The following LUZP2 variants were observed in gnomAD, a reference collection of about 807,000 sequenced individuals.
The protein encoded by LUZP2 is leucine zipper protein 2.
In LUZP2, 52 loss-of-function variants were observed where a neutral mutation model predicts 51.6. The observed-to-expected ratio is 1.01, with a 90% CI of 0.81 to 1.27. The LOEUF (loss-of-function observed/expected upper bound fraction) is 1.27. Ranked by LOEUF, LUZP2 falls within the 50% of genes most tolerant of loss-of-function variation. The pLI, the probability that LUZP2 is intolerant of heterozygous loss-of-function variation, is 0.00. For missense variants in LUZP2, 436 were observed against 395.4 expected (o/e 1.10, Z -0.87); for synonymous variants, 154 against 137.3 (o/e 1.12, Z -0.85).
At chr11:25,036,988 G>A (rs1257596944) in intron 9 of LUZP2, among the ~76,000 whole-genome samples, 5 of 152,102 alleles carry the variant, frequency 3.3e-5, no homozygotes, top group Admixed American at 2.6e-4. Flanking sequence ...CAAGCGTCAA[G>A]TTTTAGACTA....
intron 1 of LUZP2, among the ~76,000 whole-genome samples, chr11:24,539,408 A>T (rs1851285431): frequency 6.6e-6 from 1 of 151,938 alleles, no homozygotes; most frequent in Non-Finnish European, 1.5e-5. Flanking sequence ...ATAATAAATT[A>T]TATGGTAATG....
intron 9 of LUZP2, among the ~76,000 whole-genome samples, chr11:25,044,111 A>ATATATATCTGATATATAGACTCTC (rs1565273495): frequency 1.8e-5 from 1 of 55,138 alleles, no homozygotes; most frequent in Non-Finnish European, 3.8e-5. Context: ...TATATAGACT[A>ATATATATCTGATATATAGACTCTC]TATATATCAG....
At chr11:24,626,060 C>T (rs76092968) in intron 1 of LUZP2, among the ~76,000 whole-genome samples, 3,905 of 152,172 alleles carry the variant, frequency 0.026, 168 homozygotes, top group African/African-American at 0.089. Flanking sequence ...TTCTGAGTCT[C>T]TGTGTTTTCT....
At chr11:25,014,963 A>C (rs1857105790) in intron 9 of LUZP2, among the ~76,000 whole-genome samples, 2 of 152,140 alleles carry the variant, frequency 1.3e-5, no homozygotes, top group Admixed American at 6.6e-5. Flanking sequence ...TCAGCTTTCT[A>C]CATATGGCTA....
chr11:24,675,535 T>TA (rs1856515499), intron 1 of LUZP2, among the ~76,000 whole-genome samples: 1 of 152,142 alleles, frequency 6.6e-6, no homozygotes, highest in Non-Finnish European at 1.5e-5. Flanking sequence ...CTGTCATGGT[T>TA]AAAAATGGAA....
intron 1 of LUZP2, among the ~76,000 whole-genome samples, chr11:24,576,869 C>A (rs911724305): frequency 6.6e-6 from 1 of 151,860 alleles, no homozygotes; most frequent in Non-Finnish European, 1.5e-5. Context: ...ATGAGTATTG[C>A]AATCAACTTA....
chr11:24,546,179 G>A (rs1284548197), intron 1 of LUZP2, among the ~76,000 whole-genome samples: 1 of 151,906 alleles, frequency 6.6e-6, no homozygotes, highest in Non-Finnish European at 1.5e-5. Flanking sequence ...AGGACCTTTT[G>A]GGCCAAGACT....
chr11:24,925,194 C>G (rs1179523633), intron 7 of LUZP2, among the ~76,000 whole-genome samples: 2 of 152,080 alleles, frequency 1.3e-5, no homozygotes, highest in African/African-American at 4.8e-5. Context: ...GTCTGCTTTG[C>G]CAGTCTTAAG....
chr11:24,717,839 G>C (rs1033357821), intron 1 of LUZP2, among the ~76,000 whole-genome samples: 2 of 146,992 alleles, frequency 1.4e-5, no homozygotes, highest in African/African-American at 2.5e-5. Flanking sequence ...TTATAAACGA[G>C]AGCATGTGAT....
chr11:24,786,212 T>C, intron 5 of LUZP2: 1 of 965,876 alleles, frequency 1.0e-6, no homozygotes, highest in Non-Finnish European at 1.2e-6. Flanking sequence ...AATTTTATAT[T>C]TTTAGGTTAA....
chr11:24,594,704 A>G (rs1853373408), intron 1 of LUZP2, among the ~76,000 whole-genome samples: 1 of 148,254 alleles, frequency 6.7e-6, no homozygotes, highest in Admixed American at 6.7e-5. Flanking sequence ...ATTGGCCTTG[A>G]TATTTTAACA....
intron 4 of LUZP2, among the ~76,000 whole-genome samples, chr11:24,745,804 A>G (rs1330939613): frequency 6.6e-6 from 1 of 152,040 alleles, no homozygotes; most frequent in Admixed American, 6.6e-5. Flanking sequence ...CAGCCTCCTG[A>G]GTAGCTAGGA....
At chr11:24,750,652 C>A (rs1590448720) in intron 4 of LUZP2, among the ~76,000 whole-genome samples, 1 of 152,084 alleles carries the variant, frequency 6.6e-6, no homozygotes, top group East Asian at 1.9e-4. Flanking sequence ...ACTGTATATT[C>A]AGTTGTTTGG....
rs552014533 is a variant in LUZP2 at position 24,988,557 on chromosome 11, G to T, written c.765+5264G>T. ...GAAGAATCTATGGATGTAAAATACC[G>T]TGACTATATGCAAAGAGTAATTTAA... On this transcript the variant is annotated intron_variant, in intron 9 of 11. Coordinates refer to ENST00000336930, the MANE Select transcript of LUZP2 (RefSeq NM_001009909.4). Among the ~76,000 whole-genome samples the T allele has an allele frequency of 3.3e-5, 5 of 151,948 alleles. No homozygotes were observed. The South Asian group carries it at 1.0e-3, about 31-fold the overall frequency.
chr11:24,585,162 A>T (rs1218339064), intron 1 of LUZP2, among the ~76,000 whole-genome samples: 1 of 152,148 alleles, frequency 6.6e-6, no homozygotes, highest in Admixed American at 6.5e-5. Context: ...GCATAAACAT[A>T]GGTAAATTTA....
intron 9 of LUZP2, among the ~76,000 whole-genome samples, chr11:25,040,316 G>A (rs913829657): frequency 1.0e-5 from 1 of 98,856 alleles, no homozygotes; most frequent in African/African-American, 5.7e-5. Context: ...ATAGTTCTCT[G>A]TAGAGAGCCA....
At chr11:24,657,977 ATCG>A (rs1447890401) in intron 1 of LUZP2, among the ~76,000 whole-genome samples, 2 of 152,188 alleles carry the variant, frequency 1.3e-5, no homozygotes, top group African/African-American at 4.8e-5. Context: ...AAGAATCAAT[ATCG>A]TGAAAATGGC....
intron 5 of LUZP2, among the ~76,000 whole-genome samples, chr11:24,833,120 C>G (rs768470982): frequency 2.6e-5 from 4 of 152,124 alleles, no homozygotes; most frequent in Non-Finnish European, 4.4e-5. Context: ...CCATAGTCAG[C>G]AAGAGATGAA....
chr11:24,881,447 C>A (rs1295220781), intron 5 of LUZP2, among the ~76,000 whole-genome samples: 1 of 151,978 alleles, frequency 6.6e-6, no homozygotes, highest in Admixed American at 6.6e-5. Context: ...TAAAGAGGGA[C>A]AATAGAGGTA....
Sources: gnomAD v4.1 joint callset for allele counts (sites outside exome capture counted in the v4.1 genomes callset) on GRCh38, gnomAD v4.1.1 for gene constraint, MANE v1.5 for transcripts, NCBI Gene and HGNC (gene_info 2026-07-23, HGNC 2026-07-21) for gene names.